The following SLC14A2 variants were observed in gnomAD, a reference collection of about 807,000 sequenced individuals.
SLC14A2 encodes the protein solute carrier family 14 member 2, also known as urea transporter 2.
SLC14A2 carries 91 observed loss-of-function variants against 104.6 expected under a neutral mutation model. The observed-to-expected ratio is 0.87, with a 90% CI of 0.73 to 1.04. The LOEUF (loss-of-function observed/expected upper bound fraction) is 1.04. SLC14A2 is among the 50% of genes least tolerant of loss of function. The pLI is 0.00. For synonymous variants in SLC14A2, 476 were observed against 466.4 expected (o/e 1.02, Z -0.27); for missense variants, 1,189 against 1,156.0 (o/e 1.03, Z -0.41).
rs138192572 is a variant in SLC14A2 at position 45,664,750 on chromosome 18, G to A, written c.1474+843G>A. ...GTTAGCCCAGAGAAATGGACTTTGAGTGAATATGGGAAAATACACGAGGTG... is the reference window on the plus strand; with the variant it reads ...GTTAGCCCAGAGAAATGGACTTTGAATGAATATGGGAAAATACACGAGGTG... On this transcript the variant is annotated intron_variant, in intron 11 of 19. Transcript: ENST00000255226. Among the ~76,000 whole-genome samples the A allele has an allele frequency of 2.4e-3, 370 of 152,306 alleles. 1 individual carries two copies. The highest frequency in any genetic ancestry group is 4.3e-3 in the Non-Finnish European group (291 of 68,028).
intron 2 of SLC14A2, among the ~76,000 whole-genome samples, chr18:45,522,449 C>A (rs995829716): frequency 1.3e-5 from 2 of 152,168 alleles, no homozygotes; most frequent in Non-Finnish European, 2.9e-5. Context: ...TTCCCGGCAC[C>A]ATCCCTCAGT....
intron 2 of SLC14A2, among the ~76,000 whole-genome samples, chr18:45,549,605 G>A (rs1362033380): frequency 3.3e-5 from 5 of 152,224 alleles, no homozygotes; most frequent in South Asian, 2.1e-4. Flanking sequence ...AGCAAATGCC[G>A]CCTTATGTGG....
At chr18:45,547,958 G>A (rs557556137) in intron 2 of SLC14A2, among the ~76,000 whole-genome samples, 1 of 152,322 alleles carries the variant, frequency 6.6e-6, no homozygotes, top group East Asian at 1.9e-4. Flanking sequence ...GCGTCGGCTA[G>A]GAGAATGGGT....
At chr18:45,653,812 A>G (rs1178537581) in intron 10 of SLC14A2, among the ~76,000 whole-genome samples, 1 of 152,176 alleles carries the variant, frequency 6.6e-6, no homozygotes, top group Non-Finnish European at 1.5e-5. Context: ...AGAAATTTCC[A>G]TTCAGATGCT....
chr18:45,468,179 G>A (rs1188797114), intron 1 of SLC14A2, among the ~76,000 whole-genome samples: 3 of 152,180 alleles, frequency 2.0e-5, no homozygotes, highest in East Asian at 1.9e-4. Context: ...GATGCAGGAG[G>A]CATTAAGCCA....
chr18:45,546,957 AC>A (rs1355808301), intron 2 of SLC14A2, among the ~76,000 whole-genome samples: 1 of 152,168 alleles, frequency 6.6e-6, no homozygotes, highest in African/African-American at 2.4e-5. Context: ...CATAGGAAAC[AC>A]ATAATCAAAC....
chr18:45,497,622 C>T (rs2043122944), intron 2 of SLC14A2, among the ~76,000 whole-genome samples: 1 of 152,190 alleles, frequency 6.6e-6, no homozygotes, highest in African/African-American at 2.4e-5. Context: ...TGCTGGTACC[C>T]ACAGTGCAGC....
chr18:45,411,952 T>A (rs1269814832), intron 1 of SLC14A2, among the ~76,000 whole-genome samples: 1 of 152,160 alleles, frequency 6.6e-6, no homozygotes, highest in Non-Finnish European at 1.5e-5. Context: ...CTCTCCTCCA[T>A]GAACACATGC....
At chr18:45,185,479 T>C in the SLC14A2 span, among the ~76,000 whole-genome samples, 1 of 152,144 alleles carries the variant, frequency 6.6e-6, no homozygotes, top group Admixed American at 6.5e-5. Flanking sequence ...TCGGGAGGAA[T>C]AGAAGGAAAC....
intron 1 of SLC14A2, among the ~76,000 whole-genome samples, chr18:45,354,076 C>T (rs1035464219): frequency 2.0e-5 from 3 of 152,032 alleles, no homozygotes; most frequent in Non-Finnish European, 2.9e-5. Flanking sequence ...GGTAATTTTT[C>T]GCAGGGGGTA....
chr18:45,362,268 T>C (rs2085619895), intron 1 of SLC14A2, among the ~76,000 whole-genome samples: 1 of 152,210 alleles, frequency 6.6e-6, no homozygotes, highest in African/African-American at 2.4e-5. Context: ...CTTTATAAAT[T>C]ATGCAGTCTC....
At chr18:45,481,558 G>A (rs1221190202) in intron 1 of SLC14A2, among the ~76,000 whole-genome samples, 1 of 152,128 alleles carries the variant, frequency 6.6e-6, no homozygotes, top group African/African-American at 2.4e-5. Flanking sequence ...AGTAAGGGTT[G>A]CAATTTGGAA....
intron 1 of SLC14A2, among the ~76,000 whole-genome samples, chr18:45,363,592 T>C (rs1182901266): frequency 6.6e-6 from 1 of 152,198 alleles, no homozygotes; most frequent in Non-Finnish European, 1.5e-5. Context: ...TTGAAATGTC[T>C]TCTCACAGAA....
intron 19 of SLC14A2, among the ~76,000 whole-genome samples, chr18:45,680,668 T>C (rs190151404): frequency 2.6e-5 from 4 of 152,330 alleles, no homozygotes; most frequent in Admixed American, 2.6e-4. Flanking sequence ...TTAGGATCAT[T>C]TGTATTGAGT....
intron 1 of SLC14A2, among the ~76,000 whole-genome samples, chr18:45,450,113 C>T (rs1195928481): frequency 6.6e-6 from 1 of 152,192 alleles, no homozygotes; most frequent in Non-Finnish European, 1.5e-5. Flanking sequence ...AAACAAATAG[C>T]ATTATTGGAT....
At chr18:45,188,385 T>C in the SLC14A2 span, among the ~76,000 whole-genome samples, 1 of 152,144 alleles carries the variant, frequency 6.6e-6, no homozygotes, top group Non-Finnish European at 1.5e-5. Flanking sequence ...CTTGTTGATA[T>C]CCTGTGTCTT....
intron 1 of SLC14A2, among the ~76,000 whole-genome samples, chr18:45,289,872 A>T (rs2084852057): frequency 6.6e-6 from 1 of 152,192 alleles, no homozygotes; most frequent in South Asian, 2.1e-4. Context: ...GACCTGAACA[A>T]CTCGAGAAGA....
At chr18:45,613,632 C>T (rs2045009976), upstream of SLC14A2, among the ~76,000 whole-genome samples, 1 of 152,206 alleles carries the variant, frequency 6.6e-6, no homozygotes, top group Non-Finnish European at 1.5e-5. Flanking sequence ...GTCACTCTTG[C>T]TATGCTTTAG....
chr18:45,434,767 T>A (rs2086570101), intron 1 of SLC14A2, among the ~76,000 whole-genome samples: 1 of 152,170 alleles, frequency 6.6e-6, no homozygotes, highest in Non-Finnish European at 1.5e-5. Context: ...ATGGGCAAGA[T>A]AAGAATTGAT....
Sources: gnomAD v4.1 joint callset for allele counts (sites outside exome capture counted in the v4.1 genomes callset) on GRCh38, gnomAD v4.1.1 for gene constraint, MANE v1.5 for transcripts, NCBI Gene and HGNC (gene_info 2026-07-23, HGNC 2026-07-21) for gene names.